The following PPFIA2 variants were observed in gnomAD, a reference collection of about 807,000 sequenced individuals.
PPFIA2 encodes PPFI scaffold protein A2.
A neutral mutation model predicts 175.5 loss-of-function variants in PPFIA2; 46 were observed. The ratio of observed to expected loss-of-function variants is 0.26; its 90% CI spans 0.21 to 0.34. The LOEUF (loss-of-function observed/expected upper bound fraction) is 0.34, where lower values mean the gene tolerates loss of function less well. PPFIA2 is among the 10% of genes least tolerant of loss of function. The pLI is 1.00. For synonymous variants in PPFIA2, 568 were observed against 511.4 expected (o/e 1.11, Z -1.49); for missense variants, 1,179 against 1,506.1 (o/e 0.78, Z 3.60).
At chr12:81,699,553 CA>C (rs55751137) in intron 3 of PPFIA2, among the ~76,000 whole-genome samples, 73,763 of 148,572 alleles carry the variant, frequency 0.5, 19,505 homozygotes, top group Middle Eastern at 0.63. Flanking sequence ...CTCTCTAAAA[CA>C]AAAAAAAAAT....
chr12:81,693,440 C>A (rs1441237812), intron 3 of PPFIA2, among the ~76,000 whole-genome samples: 4 of 152,056 alleles, frequency 2.6e-5, no homozygotes, highest in African/African-American at 9.7e-5. Context: ...GTCCCTGTTC[C>A]CCCTTCACTT....
At chr12:81,543,694 A>G (rs1272596844) in intron 4 of PPFIA2, among the ~76,000 whole-genome samples, 1 of 152,160 alleles carries the variant, frequency 6.6e-6, no homozygotes, top group Non-Finnish European at 1.5e-5. Flanking sequence ...GGGCAGGAAA[A>G]AAATAACTTT....
At position 81,525,246 on chromosome 12, in the gene PPFIA2, A is replaced by G. The variant is rs544743224; in HGVS notation, c.304-67380T>C. On this transcript the variant is annotated intron_variant, in intron 4 of 32. Coordinates refer to ENST00000549396, the MANE Select transcript of PPFIA2 (RefSeq NM_003625.5). ...TTTTTTCCTCTGGTGTTCACTTTCTATACATTCCCTCTTATGTTACAGAAC... is the reference window on the plus strand; with the variant it reads ...TTTTTTCCTCTGGTGTTCACTTTCTGTACATTCCCTCTTATGTTACAGAAC... Among the ~76,000 whole-genome samples, 11 of 152,258 alleles carry G rather than the reference A, an allele frequency of 7.2e-5. No individual in the cohort carries two copies. The South Asian group carries it at 2.3e-3, about 32-fold the overall frequency.
At chr12:81,555,858 A>T (rs2068765446) in intron 4 of PPFIA2, among the ~76,000 whole-genome samples, 1 of 151,972 alleles carries the variant, frequency 6.6e-6, no homozygotes, top group South Asian at 2.1e-4. Flanking sequence ...CTGGGTACTT[A>T]AATATGGCTC....
In PPFIA2 at chr12:81,259,997, A is replaced by G. The variant is rs74583682; in HGVS notation, c.*34-337T>C. ...AAATTGGGTTGAATTGACCTATTTCATAATGTAGATTTATATTCTAGTTCA... is the reference window on the plus strand; with the variant it reads ...AAATTGGGTTGAATTGACCTATTTCGTAATGTAGATTTATATTCTAGTTCA... On this transcript the variant is annotated intron_variant, in intron 32 of 32. Coordinates refer to ENST00000549396, the MANE Select transcript of PPFIA2 (RefSeq NM_003625.5). 665 of 197,728 alleles carry G rather than the reference A, an allele frequency of 3.4e-3. 4 individuals carry two copies. The highest frequency in any genetic ancestry group is 0.014 in the African/African-American group (626 of 43,346). 12.2% of individuals were successfully genotyped at this position (197,728 alleles called of 1,614,324 possible). A position where few individuals can be genotyped will look rare whatever the true frequency, so the allele number is the denominator to read the frequency against.
At chr12:81,546,730 C>CTT (rs35563177) in intron 4 of PPFIA2, among the ~76,000 whole-genome samples, 50 of 145,756 alleles carry the variant, frequency 3.4e-4, no homozygotes, top group African/African-American at 1.3e-3. Context: ...TCTCTTACCT[C>CTT]TTTTTTTTTT....
intron 4 of PPFIA2, among the ~76,000 whole-genome samples, chr12:81,482,839 T>C (rs758067004): frequency 6.6e-6 from 1 of 152,100 alleles, no homozygotes; most frequent in East Asian, 1.9e-4. Flanking sequence ...TGTGTACTTA[T>C]GTAACAAACC....
At chr12:81,673,099 A>G (rs567451162) in intron 4 of PPFIA2, among the ~76,000 whole-genome samples, 25 of 152,134 alleles carry the variant, frequency 1.6e-4, no homozygotes, top group Admixed American at 4.6e-4. Context: ...ACTTACACCT[A>G]GTCCACAGTC....
chr12:81,271,131 T>C (rs2038974965), intron 28 of PPFIA2, among the ~76,000 whole-genome samples: 1 of 152,202 alleles, frequency 6.6e-6, no homozygotes. Context: ...AAGTAGTTAG[T>C]TCTTGCCCAT....
chr12:81,705,175 C>T (rs956061724), intron 3 of PPFIA2, among the ~76,000 whole-genome samples: 10 of 147,606 alleles, frequency 6.8e-5, no homozygotes, highest in African/African-American at 2.5e-4. Flanking sequence ...TACGGCCGGG[C>T]GCAGTGGCTC....
chr12:81,476,897 T>C (rs1298558296), intron 4 of PPFIA2, among the ~76,000 whole-genome samples: 1 of 152,162 alleles, frequency 6.6e-6, no homozygotes, highest in Non-Finnish European at 1.5e-5. Context: ...AACGAGATCA[T>C]GTCCTTTGCA....
At chr12:81,390,495 A>G (rs1012454767) in intron 8 of PPFIA2, among the ~76,000 whole-genome samples, 3 of 151,852 alleles carry the variant, frequency 2.0e-5, no homozygotes, top group African/African-American at 7.3e-5. Flanking sequence ...ATATTTCCTT[A>G]TGGTTTGGAT....
chr12:81,472,411 G>A (rs2056878595), intron 4 of PPFIA2: 1 of 152,104 alleles, frequency 6.6e-6, no homozygotes, highest in African/African-American at 2.4e-5. Context: ...TGGAATGGAG[G>A]GTAAGCTATG....
intron 3 of PPFIA2, among the ~76,000 whole-genome samples, chr12:81,692,621 G>A (rs1261580752): frequency 6.6e-6 from 1 of 151,986 alleles, no homozygotes; most frequent in African/African-American, 2.4e-5. Flanking sequence ...GGATTTTATG[G>A]TCTGGTATTA....
At chr12:81,377,563 A>G (rs1458766874) in intron 9 of PPFIA2, among the ~76,000 whole-genome samples, 1 of 151,914 alleles carries the variant, frequency 6.6e-6, no homozygotes, top group African/African-American at 2.4e-5. Context: ...AAGAAAAAAA[A>G]AAAAAGAAAA....
chr12:81,518,921 A>G (rs931742977), intron 4 of PPFIA2, among the ~76,000 whole-genome samples: 1 of 152,220 alleles, frequency 6.6e-6, no homozygotes, highest in African/African-American at 2.4e-5. Context: ...ATTTTACTGA[A>G]TAAATGAGTC....
At chr12:81,692,623 CT>C (rs2075389048) in intron 3 of PPFIA2, among the ~76,000 whole-genome samples, 1 of 152,040 alleles carries the variant, frequency 6.6e-6, no homozygotes. Flanking sequence ...ATTTTATGGT[CT>C]GGTATTATAA....
intron 4 of PPFIA2, among the ~76,000 whole-genome samples, chr12:81,481,360 T>C (rs946500006): frequency 2.0e-5 from 3 of 152,070 alleles, no homozygotes; most frequent in African/African-American, 4.8e-5. Context: ...CAAACTACCA[T>C]TGACTTTCTT....
chr12:81,434,932 C>A (rs1312838274), intron 7 of PPFIA2, among the ~76,000 whole-genome samples: 1 of 152,020 alleles, frequency 6.6e-6, no homozygotes, highest in Non-Finnish European at 1.5e-5. Flanking sequence ...GCACTTATAT[C>A]TAAAACTTTT....
Sources: gnomAD v4.1 joint callset for allele counts (sites outside exome capture counted in the v4.1 genomes callset) on GRCh38, gnomAD v4.1.1 for gene constraint, MANE v1.5 for transcripts, NCBI Gene and HGNC (gene_info 2026-07-23, HGNC 2026-07-21) for gene names.